Variants in PRDM10 observed in about 807,000 individuals in gnomAD.
PRDM10 encodes the protein PR/SET domain 10, also known as PR domain zinc finger protein 10.
In PRDM10, 65 loss-of-function variants were observed where a neutral mutation model predicts 133.1. That is an observed-to-expected ratio of 0.49 (90% CI 0.40 to 0.60). The LOEUF (loss-of-function observed/expected upper bound fraction) is 0.60, where lower values mean the gene tolerates loss of function less well. Ranked by LOEUF, PRDM10 falls within the 20% of genes least tolerant of loss-of-function variation. The pLI, the probability that PRDM10 is intolerant of heterozygous loss-of-function variation, is 0.00. For missense variants in PRDM10, 1,137 were observed against 1,507.1 expected (o/e 0.75, Z 4.07); for synonymous variants, 582 against 580.4 (o/e 1.00, Z -0.04).
At chr11:129,943,190 C>A (rs1273459337) in intron 6 of PRDM10, among the ~76,000 whole-genome samples, 1 of 152,182 alleles carries the variant, frequency 6.6e-6, no homozygotes, top group Non-Finnish European at 1.5e-5. Context: ...GAGGGCTGGG[C>A]AGAAACAAAA....
chr11:130,001,998 G>A (rs1462753067), intron 1 of PRDM10, among the ~76,000 whole-genome samples: 1 of 151,470 alleles, frequency 6.6e-6, no homozygotes, highest in Admixed American at 6.6e-5. Flanking sequence ...GGGAAGGCAG[G>A]CCGGGGGCCC....
chr11:129,946,034 C>G (rs113598986), intron 5 of PRDM10, among the ~76,000 whole-genome samples: 1 of 151,388 alleles, frequency 6.6e-6, no homozygotes, highest in East Asian at 1.9e-4. Flanking sequence ...GTCAGGAGTT[C>G]GAGACCAGTC....
intron 11 of PRDM10, chr11:129,929,340 G>T (rs752610823): frequency 3.8e-5 from 56 of 1,462,488 alleles, no homozygotes; most frequent in Non-Finnish European, 4.7e-5. Context: ...AGTAAGTACA[G>T]GTTGCAAAGA....
rs763285097 is a variant in PRDM10, at chr11:129,914,986, A to G, written c.2559T>C (p.His853=). 6.2e-7 allele frequency: 1 copy of G among 1,605,492 alleles called. No individual in the cohort carries two copies. The highest frequency in any genetic ancestry group is 1.1e-5 in the South Asian group (1 of 90,972). The change falls in exon 17 of 21, where the codon CAT becomes CAC. Residue 853 remains histidine (H), a synonymous_variant. Coordinates refer to ENST00000360871, the MANE Select transcript of PRDM10 (RefSeq NM_199437.2). ...TGTTGGAGAGCTGGGCGAACTCTGG[A>G]TGCTTCTTTCGAATGTGCTGGACCA... ...TKMVQHIRKK[H]PEFAQLSNTI...
rs113244374 is a variant in PRDM10, at chr11:129,917,186, C to G, written c.2266G>C (p.Glu756Gln). The G allele has an allele frequency of 6.2e-7, 1 of 1,613,888 alleles. No homozygotes were observed. The change falls in exon 15 of 21, where the codon GAG becomes CAG. Residue 756 changes from glutamate (E) to glutamine (Q), a missense_variant. Physicochemically the swap from Glu to Gln is conservative, Grantham distance 29. This residue lies in a region of PRDM10 where 65 missense variants were observed against 151.1 expected (regional missense o/e 0.43). Transcript: ENST00000360871. ...HPDMKIEEVP[E>Q]LTLPIIKPNR... ...GGTTTTATGATGGGTAGAGTTAACT[C>G]TGGCACCTCTTCTATCTTCATGTCT...
intron 11 of PRDM10, among the ~76,000 whole-genome samples, chr11:129,930,630 C>A (rs1950823003): frequency 6.6e-6 from 1 of 152,110 alleles, no homozygotes. Flanking sequence ...ATTTAGTTAC[C>A]CAAAATCAAC....
At chr11:129,960,488 T>C (rs1256585878) in intron 2 of PRDM10, among the ~76,000 whole-genome samples, 1 of 152,120 alleles carries the variant, frequency 6.6e-6, no homozygotes, top group Non-Finnish European at 1.5e-5. Flanking sequence ...AGGTTTACAT[T>C]CTGAATTTAA....
At chr11:129,995,745 A>G (rs1027102870) in intron 1 of PRDM10, among the ~76,000 whole-genome samples, 1 of 152,188 alleles carries the variant, frequency 6.6e-6, no homozygotes, top group Non-Finnish European at 1.5e-5. Flanking sequence ...CAGGAGTTCA[A>G]GATCAGCCTG....
At chr11:129,969,441 C>A (rs1048170388) in intron 1 of PRDM10, among the ~76,000 whole-genome samples, 1 of 152,082 alleles carries the variant, frequency 6.6e-6, no homozygotes, top group African/African-American at 2.4e-5. Flanking sequence ...TTTGCTTAAT[C>A]TCTCTGAGCT....
intron 1 of PRDM10, among the ~76,000 whole-genome samples, chr11:129,961,852 T>A (rs1188935355): frequency 6.6e-6 from 1 of 152,148 alleles, no homozygotes; most frequent in Non-Finnish European, 1.5e-5. Flanking sequence ...TGTGTGCATG[T>A]TTGTCTAATG....
chr11:129,958,688 G>A (rs1951742554), intron 2 of PRDM10, among the ~76,000 whole-genome samples: 1 of 152,168 alleles, frequency 6.6e-6, no homozygotes, highest in Admixed American at 6.6e-5. Context: ...TTTCCTGCAA[G>A]TTGTTTCATA....
chr11:129,944,990 C>A lies in PRDM10; in HGVS notation c.543G>T (p.Ala181=), dbSNP rs773798562. 5.8e-5 allele frequency: 93 copies of A among 1,611,956 alleles called. No homozygotes were observed. The highest frequency in any genetic ancestry group is 1.7e-4 in the Admixed American group (10 of 59,042). Reference sequence around the variant, plus strand: ...CGTGCTTCGGACACACTGAAGCATGCGCGTTATTGCACTCCTCACACCCTG... The same window carrying A: ...CGTGCTTCGGACACACTGAAGCATGAGCGTTATTGCACTCCTCACACCCTG... ...HDLWCEECNN[A]HASVCPKHGP... is the part of the protein sequence containing the mutation. The change falls in exon 6 of 21, where the codon GCG becomes GCT. Residue 181 remains alanine (A), a synonymous_variant. Transcript: ENST00000360871.
intron 4 of PRDM10, among the ~76,000 whole-genome samples, chr11:129,951,692 C>G (rs911010098): frequency 1.3e-5 from 2 of 152,148 alleles, no homozygotes; most frequent in Admixed American, 1.3e-4. Context: ...GCAGCACACA[C>G]AACAGAATGC....
intron 4 of PRDM10, among the ~76,000 whole-genome samples, chr11:129,951,938 A>C (rs1056395812): frequency 9.7e-5 from 9 of 92,540 alleles, no homozygotes; most frequent in Admixed American, 3.8e-4. Context: ...ACAAAAACCA[A>C]AAAAAAAAAC....
intron 6 of PRDM10, 144 bp downstream of exon 6, chr11:129,944,627 T>C (rs951705793): frequency 1.6e-6 from 2 of 1,240,392 alleles, no homozygotes; most frequent in African/African-American, 3.1e-5. Context: ...TATTAGTGAG[T>C]TTCCATTTAA....
chr11:129,975,931 T>C (rs1937734010), intron 1 of PRDM10, among the ~76,000 whole-genome samples: 1 of 152,116 alleles, frequency 6.6e-6, no homozygotes, highest in South Asian at 2.1e-4. Context: ...CCTAAGCTGG[T>C]GTATTTAGTT....
chr11:129,931,295 C>T (rs374122946), intron 10 of PRDM10, 37 bp from the exon 11 acceptor site: 71 of 1,582,976 alleles, frequency 4.5e-5, no homozygotes, highest in African/African-American at 6.8e-5. Context: ...AGATCAGTGC[C>T]GGAGGGACTG....
At chr11:129,977,971 A>AAG (rs1555113258) in intron 1 of PRDM10, among the ~76,000 whole-genome samples, 5 of 150,708 alleles carry the variant, frequency 3.3e-5, no homozygotes, top group African/African-American at 1.2e-4. Flanking sequence ...TTTAAAAAAA[A>AAG]AAAGAAAGAA....
intron 1 of PRDM10, among the ~76,000 whole-genome samples, chr11:129,970,442 A>T (rs1951994760): frequency 6.6e-6 from 1 of 152,132 alleles, no homozygotes; most frequent in African/African-American, 2.4e-5. Flanking sequence ...TCAGCCACAA[A>T]TCTACACTGC....
Sources: allele counts gnomAD v4.1 joint callset (sites outside exome capture counted in the v4.1 genomes callset), GRCh38; gene constraint gnomAD v4.1.1; regional missense constraint gnomAD v4.1.1; transcripts MANE v1.5; gene names NCBI Gene and HGNC (gene_info 2026-07-23, HGNC 2026-07-21).